The following SLC38A4 variants were observed in gnomAD, a reference collection of about 807,000 sequenced individuals.
The protein encoded by SLC38A4 is solute carrier family 38 member 4, also known as sodium-coupled neutral amino acid transporter 4.
In SLC38A4, 20 loss-of-function variants were observed where a neutral mutation model predicts 63.1. The observed-to-expected ratio is 0.32, with a 90% CI of 0.22 to 0.46. SLC38A4 has a LOEUF of 0.46. Among genes scored for constraint, SLC38A4 ranks in the 20% least tolerant of loss-of-function variants. SLC38A4 has a pLI of 1.00. For missense variants in SLC38A4, 526 were observed against 663.6 expected (o/e 0.79, Z 2.28); for synonymous variants, 230 against 225.5 (o/e 1.02, Z -0.18).
At chr12:46,793,940 A>T (rs990005884) in intron 2 of SLC38A4, among the ~76,000 whole-genome samples, 4 of 152,178 alleles carry the variant, frequency 2.6e-5, no homozygotes, top group Admixed American at 6.6e-5. Flanking sequence ...TGTATAGTGA[A>T]AAGGGGTGGA....
At chr12:46,808,216 G>A in intron 1 of SLC38A4, among the ~76,000 whole-genome samples, 1 of 151,786 alleles carries the variant, frequency 6.6e-6, no homozygotes, top group Admixed American at 6.6e-5. Context: ...AAGCCCCAAA[G>A]AGCTTTCAGC....
chr12:46,816,151 G>T (rs1939438088), intron 1 of SLC38A4, among the ~76,000 whole-genome samples: 2 of 151,956 alleles, frequency 1.3e-5, no homozygotes, highest in Non-Finnish European at 2.9e-5. Flanking sequence ...ATATGTTAGT[G>T]ATAGGCACCA....
intron 1 of SLC38A4, among the ~76,000 whole-genome samples, chr12:46,804,832 C>A (rs1170386591): frequency 1.3e-5 from 2 of 151,910 alleles, no homozygotes; most frequent in South Asian, 2.1e-4. Context: ...TCTAGGGGAA[C>A]AATGATAATA....
At chr12:46,797,044 C>G (rs897368851) in intron 2 of SLC38A4, among the ~76,000 whole-genome samples, 1 of 152,114 alleles carries the variant, frequency 6.6e-6, no homozygotes, top group Non-Finnish European at 1.5e-5. Context: ...ACCACTATTG[C>G]TTTTCACAGT....
rs1938742419 is a variant in SLC38A4 at position 46,785,630 on chromosome 12, T to C, written c.327-453A>G. ...AAGCATGCAGTCTGAGCTGCATTAC[T>C]GCTGATCCTGTGCATTAGATTACGA... On this transcript the variant is annotated intron_variant, in intron 5 of 16. Transcript: ENST00000266579. Among the ~76,000 whole-genome samples the C allele has an allele frequency of 2.0e-5, 3 of 151,982 alleles. No homozygotes were observed. In the South Asian group the frequency reaches 6.2e-4, roughly 31 times the overall value.
At chr12:46,769,214 T>C in intron 15 of SLC38A4, 70 bp downstream of exon 15, 2 of 1,554,324 alleles carry the variant, frequency 1.3e-6, no homozygotes, top group East Asian at 2.3e-5. Flanking sequence ...GACCCAGCAC[T>C]GGTTCCCTGT....
chr12:46,808,730 T>G (rs143906267), intron 1 of SLC38A4, among the ~76,000 whole-genome samples: 32 of 152,138 alleles, frequency 2.1e-4, no homozygotes, highest in African/African-American at 7.5e-4. Context: ...TGATTACAAC[T>G]TAAATAATGT....
chr12:46,799,670 C>G (rs555388883), intron 2 of SLC38A4, among the ~76,000 whole-genome samples: 5 of 152,218 alleles, frequency 3.3e-5, no homozygotes, highest in African/African-American at 1.2e-4. Flanking sequence ...TGGCTTATAT[C>G]TTAACTCTGA....
At chr12:46,828,051 C>G (rs1196261494), upstream of SLC38A4, among the ~76,000 whole-genome samples, 2 of 152,122 alleles carry the variant, frequency 1.3e-5, no homozygotes, top group Non-Finnish European at 2.9e-5. Flanking sequence ...CAGCCTCCTC[C>G]CAAGCATTCT....
intron 1 of SLC38A4, among the ~76,000 whole-genome samples, chr12:46,817,924 G>A (rs1278245287): frequency 1.3e-5 from 2 of 151,726 alleles, no homozygotes; most frequent in African/African-American, 4.8e-5. Flanking sequence ...AAGGTTATAT[G>A]TTCTTTAAAA....
chr12:46,795,214 C>A (rs945463839), intron 2 of SLC38A4, among the ~76,000 whole-genome samples: 2 of 151,864 alleles, frequency 1.3e-5, no homozygotes, highest in Non-Finnish European at 2.9e-5. Flanking sequence ...CATACTTTTT[C>A]TTTCTTTCCT....
intron 14 of SLC38A4, among the ~76,000 whole-genome samples, chr12:46,770,796 A>T (rs1465156985): frequency 6.6e-6 from 1 of 152,150 alleles, no homozygotes. Context: ...TTAAGCTAGG[A>T]GTTCACATTT....
chr12:46,798,188 G>T (rs894303536), intron 2 of SLC38A4, among the ~76,000 whole-genome samples: 1 of 152,054 alleles, frequency 6.6e-6, no homozygotes, highest in Non-Finnish European at 1.5e-5. Flanking sequence ...CAACAACACA[G>T]ATCATATCAT....
intron 1 of SLC38A4, 44 bp downstream of exon 1, chr12:46,825,859 C>T (rs1396774615): frequency 6.6e-6 from 1 of 152,468 alleles, no homozygotes; most frequent in Non-Finnish European, 1.5e-5. Context: ...ACCCACTCTC[C>T]TGGACCCTCT....
chr12:46,798,882 T>A (rs1939072340), intron 2 of SLC38A4, among the ~76,000 whole-genome samples: 1 of 152,134 alleles, frequency 6.6e-6, no homozygotes, highest in Non-Finnish European at 1.5e-5. Flanking sequence ...TGTATTGCCA[T>A]CTCTACTACA....
At chr12:46,783,324 CAGA>C (rs747767944) in intron 7 of SLC38A4, among the ~76,000 whole-genome samples, 7 of 151,644 alleles carry the variant, frequency 4.6e-5, no homozygotes, top group Non-Finnish European at 7.4e-5. Context: ...AAAGATTGAG[CAGA>C]AGAACTAGAC....
At chr12:46,812,675 A>G (rs1292259253) in intron 1 of SLC38A4, among the ~76,000 whole-genome samples, 1 of 152,054 alleles carries the variant, frequency 6.6e-6, no homozygotes, top group Non-Finnish European at 1.5e-5. Context: ...GAATTTTACA[A>G]ACCTAAAATA....
chr12:46,803,229 C>T (rs1939166572), intron 2 of SLC38A4, among the ~76,000 whole-genome samples: 1 of 151,958 alleles, frequency 6.6e-6, no homozygotes, highest in Non-Finnish European at 1.5e-5. Flanking sequence ...GAATGTATTT[C>T]TGAACTTTCA....
chr12:46,801,100 G>A (rs558318866), intron 2 of SLC38A4, among the ~76,000 whole-genome samples: 12 of 152,170 alleles, frequency 7.9e-5, no homozygotes, highest in South Asian at 6.2e-4. Flanking sequence ...GCTCAACTGC[G>A]TTGTTAATTC....
Sources: allele counts gnomAD v4.1 joint callset (sites outside exome capture counted in the v4.1 genomes callset), GRCh38; gene constraint gnomAD v4.1.1; transcripts MANE v1.5; gene names NCBI Gene and HGNC (gene_info 2026-07-23, HGNC 2026-07-21).